The following FRMPD4 variants were observed in gnomAD, a reference collection of about 807,000 sequenced individuals.
FRMPD4 encodes the protein FERM and PDZ domain-containing protein 4.
Under a neutral mutation model 94.1 loss-of-function variants are expected in FRMPD4, and 22 were observed. That is an observed-to-expected ratio of 0.23 (90% CI 0.17 to 0.33). The LOEUF is 0.33. Ranked by LOEUF, FRMPD4 falls within the 10% of genes least tolerant of loss-of-function variation. The pLI, the probability that FRMPD4 is intolerant of heterozygous loss-of-function variation, is 1.00. For synonymous variants in FRMPD4, 631 were observed against 548.6 expected (o/e 1.15, Z -2.10); for missense variants, 1,111 against 1,339.9 (o/e 0.83, Z 2.67).
At chrX:12,463,742 G>A (rs1435519532) in intron 1 of FRMPD4, among the ~76,000 whole-genome samples, 1 of 98,605 alleles carries the variant, frequency 1.0e-5, no homozygotes, top group Non-Finnish European at 2.0e-5. Context: ...GTGAGGGCAG[G>A]TAGTTTATTT....
At chrX:11,903,022 A>G (rs1236119584) in intron 3 of FRMPD4, among the ~76,000 whole-genome samples, 1 of 111,893 alleles carries the variant, frequency 8.9e-6, no homozygotes, top group Non-Finnish European at 1.9e-5. Flanking sequence ...TTTACAGATA[A>G]CTCCAAGGTT....
intron 3 of FRMPD4, among the ~76,000 whole-genome samples, chrX:12,032,200 C>T (rs1041051739): frequency 1.8e-5 from 2 of 111,894 alleles, no homozygotes; most frequent in Non-Finnish European, 3.8e-5. Context: ...CATCATCATA[C>T]AGTACTTGAA....
At position 12,457,118 on chromosome X, in the gene FRMPD4, G is replaced by A. The variant is rs754751869; in HGVS notation, c.42-41562G>A. 8.0e-4 allele frequency among the ~76,000 whole-genome samples: 90 copies of A among 112,432 alleles called. 1 individual carries two copies. Among genetic ancestry groups the A allele is most frequent in the African/African-American group, 2.8e-3 (87 of 31,022 alleles). ...CAGTCAGTAAACTCTTCCACTGTTTGCAATCACAGCTGAGTTGGTTTTGCA... is the reference window on the plus strand; with the variant it reads ...CAGTCAGTAAACTCTTCCACTGTTTACAATCACAGCTGAGTTGGTTTTGCA... On this transcript the variant is annotated intron_variant, in intron 1 of 16. Transcript: ENST00000675598.
intron 1 of FRMPD4, among the ~76,000 whole-genome samples, chrX:12,239,835 G>A (rs1382433109): frequency 1.8e-5 from 2 of 111,674 alleles, no homozygotes; most frequent in African/African-American, 3.3e-5. Flanking sequence ...GAAGAAATGA[G>A]GGTGATAGAG....
At chrX:12,064,271 C>T (rs921605689) in intron 3 of FRMPD4, among the ~76,000 whole-genome samples, 38 of 112,254 alleles carry the variant, frequency 3.4e-4, no homozygotes, top group African/African-American at 1.0e-3. Flanking sequence ...TGATATAATA[C>T]GTACTTAAGG....
At chrX:12,276,547 A>G (rs1010419258) in intron 1 of FRMPD4, among the ~76,000 whole-genome samples, 2 of 112,297 alleles carry the variant, frequency 1.8e-5, no homozygotes, top group African/African-American at 6.5e-5. Context: ...TGTAGAGACC[A>G]AGGTTTGATC....
intron 1 of FRMPD4, among the ~76,000 whole-genome samples, chrX:12,333,760 G>A (rs1240645387): frequency 6.3e-5 from 7 of 111,612 alleles, no homozygotes; most frequent in Non-Finnish European, 1.1e-4. Flanking sequence ...CATTATGATT[G>A]GGGAATCTTT....
intron 3 of FRMPD4, among the ~76,000 whole-genome samples, chrX:11,907,711 C>T (rs144037804): frequency 2.1e-4 from 24 of 112,103 alleles, no homozygotes; most frequent in African/African-American, 7.5e-4. Context: ...ATTATGATCA[C>T]AACATATGAA....
At chrX:12,218,409 C>T (rs2056830097) in intron 1 of FRMPD4, among the ~76,000 whole-genome samples, 5 of 111,607 alleles carry the variant, frequency 4.5e-5, no homozygotes, top group Admixed American at 3.8e-4. Flanking sequence ...GCAATCATCA[C>T]TTATGACCTA....
chrX:12,324,162 C>G (rs150490338), intron 1 of FRMPD4, among the ~76,000 whole-genome samples: 117 of 112,105 alleles, frequency 1.0e-3, no homozygotes, highest in African/African-American at 3.7e-3. Context: ...AGTATTGAAC[C>G]TAGGCTGCAA....
chrX:12,687,685 G>T (rs773844245), intron 7 of FRMPD4, among the ~76,000 whole-genome samples: 1 of 112,276 alleles, frequency 8.9e-6, no homozygotes, highest in South Asian at 3.7e-4. Flanking sequence ...CATAGTCAGG[G>T]CACAGGAGAG....
intron 1 of FRMPD4, among the ~76,000 whole-genome samples, chrX:12,168,574 A>G (rs769340710): frequency 3.0e-4 from 29 of 97,859 alleles, no homozygotes; most frequent in Non-Finnish European, 5.8e-4. Context: ...TCTGAAAATT[A>G]TTTTTGTACC....
intron 1 of FRMPD4, among the ~76,000 whole-genome samples, chrX:11,826,092 A>C (rs1330491460): frequency 8.9e-6 from 1 of 112,530 alleles, no homozygotes; most frequent in Non-Finnish European, 1.9e-5. Context: ...ATGTAGTCAC[A>C]AAGTTCAATT....
chrX:12,606,622 C>T (rs1197034714), intron 2 of FRMPD4, among the ~76,000 whole-genome samples: 1 of 111,390 alleles, frequency 9.0e-6, no homozygotes, highest in Non-Finnish European at 1.9e-5. Flanking sequence ...TTCTAAAACA[C>T]GTGTGACCAT....
chrX:12,141,955 A>G (rs1238044617), intron 1 of FRMPD4, among the ~76,000 whole-genome samples: 1 of 112,198 alleles, frequency 8.9e-6, no homozygotes, highest in Non-Finnish European at 1.9e-5. Context: ...AAATGTTTAT[A>G]GAAGAATGCA....
At chrX:12,405,127 TC>T (rs754830901) in intron 1 of FRMPD4, among the ~76,000 whole-genome samples, 17 of 111,746 alleles carry the variant, frequency 1.5e-4, no homozygotes, top group Non-Finnish European at 3.0e-4. Context: ...TTAAAAGCTC[TC>T]CAAGTGATTC....
intron 3 of FRMPD4, among the ~76,000 whole-genome samples, chrX:11,917,432 C>T (rs142620238): frequency 0.018 from 1,980 of 111,987 alleles, 17 homozygotes; most frequent in Middle Eastern, 0.041. Context: ...CAAAAAGACA[C>T]CTGTGCTTGT....
At chrX:12,180,491 A>G (rs2147667762) in intron 1 of FRMPD4, among the ~76,000 whole-genome samples, 1 of 112,180 alleles carries the variant, frequency 8.9e-6, no homozygotes, top group South Asian at 3.7e-4. Flanking sequence ...AATTTTAGTA[A>G]GAGACTGGGG....
intron 3 of FRMPD4, among the ~76,000 whole-genome samples, chrX:12,074,711 T>C (rs770576815): frequency 1.4e-4 from 16 of 112,580 alleles, no homozygotes; most frequent in Non-Finnish European, 2.8e-4. Context: ...GTTCCAAAAA[T>C]GTATTACATG....
Sources: gnomAD v4.1 joint callset for allele counts (sites outside exome capture counted in the v4.1 genomes callset) on GRCh38, gnomAD v4.1.1 for gene constraint, MANE v1.5 for transcripts, NCBI Gene and HGNC (gene_info 2026-07-23, HGNC 2026-07-21) for gene names.